The following STRAP variants were observed in gnomAD, a reference collection of about 807,000 sequenced individuals.
The protein encoded by STRAP is serine-threonine kinase receptor-associated protein.
STRAP carries 16 observed loss-of-function variants against 47.0 expected under a neutral mutation model. The observed-to-expected ratio is 0.34, with a 90% CI of 0.23 to 0.52. The LOEUF (loss-of-function observed/expected upper bound fraction) is 0.52. Ranked by LOEUF, STRAP falls within the 20% of genes least tolerant of loss-of-function variation. The pLI, the probability that STRAP is intolerant of heterozygous loss-of-function variation, is 0.96. For missense variants in STRAP, 293 were observed against 420.0 expected (o/e 0.70, Z 2.64); for synonymous variants, 130 against 142.7 (o/e 0.91, Z 0.63).
At chr12:15,898,233 TTTATC>T in intron 7 of STRAP, 1 of 276,524 alleles carries the variant, frequency 3.6e-6, no homozygotes, top group South Asian at 6.6e-5. Context: ...TATGCAGAAA[TTTATC>T]CTTTTAACTA....
rs1948119166 is a variant in STRAP at position 15,903,196 on chromosome 12, G to A, written c.*218G>A. 2.5e-6 allele frequency: 1 copy of A among 395,796 alleles called. No homozygotes were observed. Among genetic ancestry groups the A allele is most frequent in the African/African-American group, 2.1e-5 (1 of 48,414 alleles). 24.5% of individuals were successfully genotyped at this position (395,796 alleles called of 1,614,324 possible). ...AGGGAGGTGGAGTTATCCTCTTATA[G>A]TACAGTGGCCTGTTATCTTTTTAAT... On this transcript the variant is annotated 3_prime_UTR_variant, in exon 10 of 10. Coordinates refer to ENST00000419869, the MANE Select transcript of STRAP (RefSeq NM_007178.4).
chr12:15,894,160 T>C lies in STRAP; in HGVS notation c.500+17T>C. ...AACTGTTCGGTAAGTAATTTTTCTT[T>C]AATAATTTACAATTTAAGGCCGGGC... On this transcript the variant is annotated intron_variant, in intron 5 of 9. Transcript: ENST00000419869. This position sits in a 1 kb window ranked among gnomAD's most constrained non-coding sequence, Gnocchi z 4.9. 1.2e-6 allele frequency: 2 copies of C among 1,600,898 alleles called. No homozygotes were observed. The highest frequency in any genetic ancestry group is 1.7e-6 in the Non-Finnish European group (2 of 1,169,700).
At chr12:15,898,050 C>T (rs1948074370) in intron 7 of STRAP, 32 bp downstream of exon 7, 2 of 1,575,018 alleles carry the variant, frequency 1.3e-6, no homozygotes, top group Non-Finnish European at 1.7e-6. Flanking sequence ...ATGTGGTTAC[C>T]TTTATCATAT....
At chr12:15,900,393 G>A (rs1014746257) in intron 8 of STRAP, among the ~76,000 whole-genome samples, 3 of 151,974 alleles carry the variant, frequency 2.0e-5, no homozygotes, top group African/African-American at 4.8e-5. Flanking sequence ...AGCCAGGTGT[G>A]GTGGTACATG....
chr12:15,890,746 A>G lies in STRAP; in HGVS notation c.403+77A>G. The stretch of plus-strand genomic sequence containing the variant: ...TAACTGATTAAAGAATTTCATGCTC[A>G]GTACTCAAATTTGGAAAATAAAGAT... On this transcript the variant is annotated intron_variant, in intron 4 of 9. Transcript: ENST00000419869. This position sits in a 1 kb window ranked among gnomAD's most constrained non-coding sequence, Gnocchi z 4.5. 1 of 1,309,282 alleles carries G rather than the reference A, an allele frequency of 7.6e-7. No individual in the cohort carries two copies. The highest frequency in any genetic ancestry group is 1.1e-6 in the Non-Finnish European group (1 of 935,958). The allele number at this position is 1,309,282 out of a possible 1,614,324, so 81.1% of individuals were successfully genotyped here.
chr12:15,891,654 G>A (rs955646958), intron 4 of STRAP, among the ~76,000 whole-genome samples: 1 of 152,142 alleles, frequency 6.6e-6, no homozygotes, highest in Non-Finnish European at 1.5e-5. Context: ...TGGAATTGTT[G>A]GAAGGTGGCC....
chr12:15,897,354 T>G (rs916601235), intron 6 of STRAP, among the ~76,000 whole-genome samples: 1 of 152,200 alleles, frequency 6.6e-6, no homozygotes, highest in African/African-American at 2.4e-5. Context: ...TTTGTTAGTC[T>G]TTTACTGCCT....
At position 15,890,770 on chromosome 12, in the gene STRAP, A is replaced by G. The variant is rs1948008465; in HGVS notation, c.403+101A>G. 1 of 1,073,126 alleles carries G rather than the reference A, an allele frequency of 9.3e-7. No homozygotes were observed. The highest frequency in any genetic ancestry group is 1.4e-6 in the Non-Finnish European group (1 of 738,074). The allele number at this position is 1,073,126 out of a possible 1,614,324, so 66.5% of individuals were successfully genotyped here. A position where few individuals can be genotyped will look rare whatever the true frequency, so the allele number is the denominator to read the frequency against. ...CAGTACTCAAATTTGGAAAATAAAGATAGTCATGGCCGGGCACGGTGGCTC... is the reference window on the plus strand; with the variant it reads ...CAGTACTCAAATTTGGAAAATAAAGGTAGTCATGGCCGGGCACGGTGGCTC... On this transcript the variant is annotated intron_variant, in intron 4 of 9. Coordinates refer to ENST00000419869, the MANE Select transcript of STRAP (RefSeq NM_007178.4). This position sits in a 1 kb window ranked among gnomAD's most constrained non-coding sequence, Gnocchi z 4.5.
intron 2 of STRAP, among the ~76,000 whole-genome samples, chr12:15,888,894 A>G (rs1455853280): frequency 2.0e-5 from 3 of 152,056 alleles, no homozygotes; most frequent in African/African-American, 7.2e-5. Context: ...AATATATTTT[A>G]TTATGTATTG....
rs778939065 is a variant in STRAP at position 15,895,862 on chromosome 12, G to GAA, written c.638+385_638+386dup. Among the ~76,000 whole-genome samples the GAA allele has an allele frequency of 9.6e-3, 593 of 61,670 alleles. 5 individuals carry two copies. The highest frequency in any genetic ancestry group is 0.033 in the African/African-American group (550 of 16,738). The allele number at this position is 61,670 out of a possible 152,430, so 40.5% of individuals were successfully genotyped here. On this transcript the variant is annotated intron_variant, in intron 6 of 9. Transcript: ENST00000419869. Reference sequence around the variant, plus strand: ...TGGATGACAAAGCAAAACCTCCTCTGAAAAAAAAAAAAAAAAAAAAGCAAA... The same window carrying GAA: ...TGGATGACAAAGCAAAACCTCCTCTGAAAAAAAAAAAAAAAAAAAAAAGCAAA...
At chr12:15,883,091 C>T (rs1381298145) in intron 1 of STRAP, 1 of 1,535,650 alleles carries the variant, frequency 6.5e-7, no homozygotes, top group East Asian at 2.4e-5. Context: ...AGGAGCTGGT[C>T]AGCATTTGCC....
chr12:15,889,761 C>G (rs1947999760), intron 2 of STRAP, among the ~76,000 whole-genome samples, 167 bp from the exon 3 acceptor site: 1 of 152,036 alleles, frequency 6.6e-6, no homozygotes, highest in Admixed American at 6.6e-5. Flanking sequence ...AATATTTTAT[C>G]AAATGAAGTC....
chr12:15,897,781 T>C, intron 6 of STRAP, 101 bp from the exon 7 acceptor site: 1 of 810,722 alleles, frequency 1.2e-6, no homozygotes, highest in Non-Finnish European at 1.8e-6. Flanking sequence ...AAATGAGTAT[T>C]TAATTGTTCC....
At chr12:15,883,089 G>T (rs1947937660) in intron 1 of STRAP, 2 of 1,535,574 alleles carry the variant, frequency 1.3e-6, no homozygotes, top group Admixed American at 2.0e-5. Context: ...GAAGGAGCTG[G>T]TCAGCATTTG....
chr12:15,884,558 C>G (rs1214039389), intron 2 of STRAP, among the ~76,000 whole-genome samples: 3 of 148,292 alleles, frequency 2.0e-5, no homozygotes, highest in Non-Finnish European at 3.0e-5. Context: ...ATACTTTTTA[C>G]TACATTTAAA....
intron 2 of STRAP, among the ~76,000 whole-genome samples, chr12:15,889,691 G>A (rs1053759485): frequency 3.6e-4 from 54 of 152,006 alleles, no homozygotes; most frequent in African/African-American, 1.3e-3. Context: ...CACTGTCAAA[G>A]AAAATTAGAT....
Position 15,887,870 on chromosome 12 carries a change from T to G in STRAP, c.249-2058T>G, listed in dbSNP as rs1281392430. Among the ~76,000 whole-genome samples, 3 of 152,088 alleles carry G rather than the reference T, an allele frequency of 2.0e-5. No homozygotes were observed. The highest frequency in any genetic ancestry group is 7.2e-5 in the African/African-American group (3 of 41,418). On this transcript the variant is annotated intron_variant, in intron 2 of 9. Transcript: ENST00000419869. The surrounding 1 kb of genome is among the most constrained non-coding windows in gnomAD (Gnocchi z 5.5). ...AGAGAGGTTTTAAGTTTATGGGAGA[T>G]TATTTAATAAACTTGAAATTAGCAT...
intron 1 of STRAP, 64 bp downstream of exon 1, chr12:15,882,883 C>G: frequency 6.6e-7 from 1 of 1,520,110 alleles, no homozygotes; most frequent in Non-Finnish European, 9.0e-7. Context: ...TCGGGACCCG[C>G]ACGCTCCAGT....
At chr12:15,891,668 C>T (rs1273025046) in intron 4 of STRAP, among the ~76,000 whole-genome samples, 2 of 152,172 alleles carry the variant, frequency 1.3e-5, no homozygotes, top group African/African-American at 2.4e-5. Flanking sequence ...GGTGGCCGGG[C>T]GCAGTGGCTC....
Sources: gnomAD v4.1 joint callset for allele counts (sites outside exome capture counted in the v4.1 genomes callset) on GRCh38, gnomAD v4.1.1 for gene constraint, Gnocchi (gnomAD v3.1) non-coding constraint, MANE v1.5 for transcripts, NCBI Gene and HGNC (gene_info 2026-07-23, HGNC 2026-07-21) for gene names.